Variants in PPP2R2B observed in about 807,000 individuals in gnomAD.
PPP2R2B encodes serine/threonine-protein phosphatase 2A 55 kDa regulatory subunit B beta isoform.
A neutral mutation model predicts 46.0 loss-of-function variants in PPP2R2B; 5 were observed. The observed-to-expected ratio is 0.11, with a 90% confidence interval of 0.06 to 0.23. The LOEUF is 0.23. PPP2R2B is among the 10% of genes least tolerant of loss of function. The probability of loss-of-function intolerance (pLI) is 1.00; values close to 1 mark genes in which losing one functional copy is unlikely to be tolerated. For missense variants in PPP2R2B, 367 were observed against 575.0 expected (o/e 0.64, Z 3.70); for synonymous variants, 215 against 206.7 (o/e 1.04, Z -0.34).
At chr5:147,076,779 T>C (rs1170027265) in intron 2 of PPP2R2B, among the ~76,000 whole-genome samples, 1 of 152,122 alleles carries the variant, frequency 6.6e-6, no homozygotes, top group African/African-American at 2.4e-5. Flanking sequence ...CCATGCTCTG[T>C]CTCCTCTTCA....
intron 1 of PPP2R2B, among the ~76,000 whole-genome samples, chr5:146,975,825 A>G (rs936280258): frequency 1.8e-4 from 27 of 151,812 alleles, no homozygotes; most frequent in African/African-American, 6.5e-4. Context: ...CATTTTTTTA[A>G]TTGGTTTTTT....
chr5:146,816,773 A>T (rs926165041), intron 2 of PPP2R2B, among the ~76,000 whole-genome samples: 9 of 152,142 alleles, frequency 5.9e-5, no homozygotes, highest in African/African-American at 1.9e-4. Flanking sequence ...AAAGTCAGAG[A>T]CCCATATGGA....
At chr5:146,856,348 C>T (rs372664243) in intron 2 of PPP2R2B, 5 of 596,918 alleles carry the variant, frequency 8.4e-6, no homozygotes, top group Admixed American at 2.9e-5. Context: ...TAACTTGTGT[C>T]CTACGGAACA....
chr5:146,833,118 T>C (rs1023473695), intron 2 of PPP2R2B, among the ~76,000 whole-genome samples: 1 of 152,184 alleles, frequency 6.6e-6, no homozygotes, highest in Non-Finnish European at 1.5e-5. Context: ...TTTCATTTTT[T>C]ACTTAGTTTC....
upstream of PPP2R2B, chr5:146,879,298 C>T (rs1404193287): frequency 3.9e-5 from 6 of 152,004 alleles, no homozygotes; most frequent in Non-Finnish European, 5.9e-5. Context: ...CTGGTTCCCC[C>T]ATTCCTAAGA....
intron 1 of PPP2R2B, among the ~76,000 whole-genome samples, chr5:147,036,045 G>A (rs1187890314): frequency 2.0e-5 from 3 of 152,134 alleles, no homozygotes; most frequent in Admixed American, 1.3e-4. Context: ...TGTGCAGGAT[G>A]TGCAGGTTTG....
chr5:146,954,756 A>ATGTGTG (rs149370877), intron 1 of PPP2R2B, among the ~76,000 whole-genome samples: 62,998 of 146,522 alleles, frequency 0.43, 14,754 homozygotes, highest in Non-Finnish European at 0.54. Flanking sequence ...ATGTGTATAT[A>ATGTGTG]TGTGTGTGTG....
intron 1 of PPP2R2B, among the ~76,000 whole-genome samples, chr5:146,902,882 G>C (rs1323246099): frequency 6.6e-6 from 1 of 152,208 alleles, no homozygotes; most frequent in African/African-American, 2.4e-5. Context: ...TTCTCAAATT[G>C]TGGTATGAGC....
chr5:146,783,771 A>T (rs577224892), intron 2 of PPP2R2B, among the ~76,000 whole-genome samples: 1 of 152,346 alleles, frequency 6.6e-6, no homozygotes, highest in Admixed American at 6.5e-5. Flanking sequence ...GAAGCCTCTG[A>T]GGAACAAGGA....
intron 1 of PPP2R2B, among the ~76,000 whole-genome samples, chr5:147,007,455 A>G (rs570748522): frequency 7.2e-4 from 109 of 152,304 alleles, no homozygotes; most frequent in African/African-American, 2.5e-3. Context: ...CACTCTGTAA[A>G]ATAGACCAAT....
intron 1 of PPP2R2B, among the ~76,000 whole-genome samples, chr5:147,053,134 A>G (rs1445764964): frequency 1.3e-5 from 2 of 152,006 alleles, no homozygotes; most frequent in Non-Finnish European, 2.9e-5. Context: ...ACTAAGCCTC[A>G]GAGAGGTTAA....
At chr5:146,875,445 C>T (rs932595315) in intron 2 of PPP2R2B, among the ~76,000 whole-genome samples, 1 of 152,108 alleles carries the variant, frequency 6.6e-6, no homozygotes, top group Non-Finnish European at 1.5e-5. Flanking sequence ...TGTCCTTTAG[C>T]ATTTGCATTG....
intron 1 of PPP2R2B, among the ~76,000 whole-genome samples, chr5:146,886,108 G>A (rs1762313906): frequency 6.6e-6 from 1 of 152,174 alleles, no homozygotes; most frequent in Non-Finnish European, 1.5e-5. Context: ...GGAGGCCGAG[G>A]CGGGCGGATC....
chr5:146,878,686 C>T lies in PPP2R2B; in HGVS notation c.-220G>A, dbSNP rs1386118130. The T allele has an allele frequency of 5.4e-6, 7 of 1,290,904 alleles. No homozygotes were observed. The highest frequency in any genetic ancestry group is 7.1e-6 in the Non-Finnish European group (7 of 990,962). The allele number at this position is 1,290,904 out of a possible 1,614,324, so 80.0% of individuals were successfully genotyped here. A position where few individuals can be genotyped will look rare whatever the true frequency, so the allele number is the denominator to read the frequency against. On this transcript the variant is annotated 5_prime_UTR_variant, in exon 1 of 10. Transcript: ENST00000394411. The surrounding 1 kb of genome is among the most constrained non-coding windows in gnomAD (Gnocchi z 4.5). ...GAGCTGGGCAGGGCGCTGCAGCCGG[C>T]GCCAGCGCACTCACCCTCACACCCA...
At chr5:146,593,919 C>T (rs560185975) in intron 8 of PPP2R2B, among the ~76,000 whole-genome samples, 17 of 152,280 alleles carry the variant, frequency 1.1e-4, no homozygotes, top group African/African-American at 4.1e-4. Context: ...CCAGTTATAA[C>T]CTGAGTGATA....
chr5:146,715,456 G>A (rs536064371), intron 2 of PPP2R2B, among the ~76,000 whole-genome samples: 1 of 152,262 alleles, frequency 6.6e-6, no homozygotes, highest in East Asian at 1.9e-4. Context: ...CCTACTGCAA[G>A]CCAGGCACGG....
At chr5:146,779,537 T>G (rs779245722) in intron 2 of PPP2R2B, among the ~76,000 whole-genome samples, 56 of 152,282 alleles carry the variant, frequency 3.7e-4, no homozygotes, top group Middle Eastern at 3.4e-3. Context: ...TCCCCAGGTC[T>G]AAAGACTCAT....
intron 9 of PPP2R2B, among the ~76,000 whole-genome samples, chr5:146,590,736 T>C (rs1400500280): frequency 3.3e-5 from 5 of 152,122 alleles, no homozygotes; most frequent in Non-Finnish European, 7.4e-5. Flanking sequence ...GAGATGCTAG[T>C]GGCATCGTGC....
rs1296618199 is a variant in PPP2R2B at position 146,698,148 on chromosome 5, T to A, written c.169-4A>T. The A allele has an allele frequency of 2.5e-6, 4 of 1,574,144 alleles. No individual in the cohort carries two copies. The East Asian group carries it at 6.9e-5, about 27-fold the overall frequency. Reference sequence around the variant, plus strand: ...TACGATGAACCTGATTTTTACTCTGTAGGAAAGGAAAAAAATACACAACAG... The same window carrying A: ...TACGATGAACCTGATTTTTACTCTGAAGGAAAGGAAAAAAATACACAACAG... On this transcript the variant is annotated splice_polypyrimidine_tract_variant and splice_region_variant and intron_variant, in intron 3 of 9. Transcript: ENST00000394411.
Sources: gnomAD v4.1 joint callset for allele counts (sites outside exome capture counted in the v4.1 genomes callset) on GRCh38, gnomAD v4.1.1 for gene constraint, Gnocchi (gnomAD v3.1) non-coding constraint, MANE v1.5 for transcripts, NCBI Gene and HGNC (gene_info 2026-07-23, HGNC 2026-07-21) for gene names.